Variants in NELL1 observed in about 807,000 individuals in gnomAD.
NELL1 encodes the protein neural EGFL like 1.
NELL1 carries 76 observed loss-of-function variants against 107.4 expected under a neutral mutation model. The ratio of observed to expected loss-of-function variants is 0.71; its 90% CI spans 0.59 to 0.86. The LOEUF is 0.86. Among genes scored for constraint, NELL1 ranks in the 40% least tolerant of loss-of-function variants. The pLI is 0.00. For missense variants in NELL1, 1,024 were observed against 1,005.5 expected (o/e 1.02, Z -0.25); for synonymous variants, 353 against 341.2 (o/e 1.03, Z -0.38).
intron 12 of NELL1, among the ~76,000 whole-genome samples, chr11:21,091,823 A>C (rs1251543080): frequency 6.6e-6 from 1 of 152,234 alleles, no homozygotes; most frequent in East Asian, 1.9e-4. Flanking sequence ...ATATAATTGA[A>C]CTTTACAGAA....
chr11:20,884,105 A>G (rs1248274690), intron 4 of NELL1, among the ~76,000 whole-genome samples: 1 of 152,200 alleles, frequency 6.6e-6, no homozygotes, highest in Non-Finnish European at 1.5e-5. Flanking sequence ...TGCCAGCTGA[A>G]AACCTTGCAT....
At chr11:21,024,112 G>T (rs1852760889) in intron 12 of NELL1, among the ~76,000 whole-genome samples, 1 of 151,988 alleles carries the variant, frequency 6.6e-6, no homozygotes, top group Non-Finnish European at 1.5e-5. Context: ...AGAAAAGAAG[G>T]CCTAGATAAG....
chr11:20,763,171 T>A (rs1443095410), intron 2 of NELL1, among the ~76,000 whole-genome samples: 1 of 152,106 alleles, frequency 6.6e-6, no homozygotes, highest in African/African-American at 2.4e-5. Context: ...GTGAGGTATT[T>A]ATTTACTCAG....
chr11:20,755,558 T>TTTTTTTTTTTTTATTTA (rs1267991719), intron 2 of NELL1, among the ~76,000 whole-genome samples: 2 of 16,454 alleles, frequency 1.2e-4, no homozygotes, highest in East Asian at 5.9e-3. Context: ...TTGTTTTTGT[T>TTTTTTTTTTTTTATTTA]TTTGTTTTTT....
intron 2 of NELL1, among the ~76,000 whole-genome samples, chr11:20,715,309 T>G (rs1281679843): frequency 3.3e-5 from 5 of 151,428 alleles, no homozygotes; most frequent in Admixed American, 6.6e-5. Context: ...TTTTGTTTTT[T>G]TTTTTTTTTA....
At chr11:21,561,089 T>C (rs572522234) in intron 17 of NELL1, among the ~76,000 whole-genome samples, 29 of 152,278 alleles carry the variant, frequency 1.9e-4, no homozygotes, top group Admixed American at 4.6e-4. Flanking sequence ...TATTTTCCTT[T>C]GTTATTGCTC....
At chr11:21,452,297 A>C (rs1307196423) in intron 15 of NELL1, among the ~76,000 whole-genome samples, 1 of 152,140 alleles carries the variant, frequency 6.6e-6, no homozygotes, top group Admixed American at 6.5e-5. Context: ...ATGTCTTGAA[A>C]AGCATCCTTT....
At chr11:21,006,886 C>T (rs1852339199) in intron 12 of NELL1, among the ~76,000 whole-genome samples, 1 of 152,130 alleles carries the variant, frequency 6.6e-6, no homozygotes, top group African/African-American at 2.4e-5. Flanking sequence ...GTGAAATAAA[C>T]ATCATCTCTA....
intron 2 of NELL1, among the ~76,000 whole-genome samples, chr11:20,720,770 T>A (rs1590232457): frequency 6.6e-6 from 1 of 152,128 alleles, no homozygotes; most frequent in African/African-American, 2.4e-5. Flanking sequence ...TGTTCAAATT[T>A]CTTCTTTTTA....
At chr11:21,047,808 G>A (rs883018) in intron 12 of NELL1, among the ~76,000 whole-genome samples, 70,724 of 151,992 alleles carry the variant, frequency 0.47, 20,263 homozygotes, top group Middle Eastern at 0.63. Context: ...GGTTTGTTTC[G>A]TGAACCAGCT....
At chr11:21,515,550 T>C (rs752788107) in intron 15 of NELL1, among the ~76,000 whole-genome samples, 3 of 152,148 alleles carry the variant, frequency 2.0e-5, no homozygotes, top group Non-Finnish European at 4.4e-5. Context: ...CTTCTCCACT[T>C]TGAGCCATTT....
At chr11:21,246,342 C>A (rs981196451) in intron 14 of NELL1, among the ~76,000 whole-genome samples, 6 of 152,182 alleles carry the variant, frequency 3.9e-5, no homozygotes, top group Admixed American at 3.3e-4. Flanking sequence ...CTGAAATTGT[C>A]ATGTGTGTAG....
intron 2 of NELL1, among the ~76,000 whole-genome samples, chr11:20,738,357 T>C (rs1029461836): frequency 6.6e-6 from 1 of 151,978 alleles, no homozygotes; most frequent in African/African-American, 2.4e-5. Flanking sequence ...GGAACAGGCA[T>C]TGAGGTGCTG....
intron 14 of NELL1, among the ~76,000 whole-genome samples, chr11:21,365,183 G>A (rs1425593196): frequency 6.6e-6 from 1 of 152,110 alleles, no homozygotes; most frequent in Non-Finnish European, 1.5e-5. Context: ...GGTTTTATAT[G>A]CCTTTCTCTC....
intron 2 of NELL1, among the ~76,000 whole-genome samples, chr11:20,715,959 A>G (rs1338268424): frequency 2.0e-5 from 3 of 152,276 alleles, no homozygotes; most frequent in Non-Finnish European, 4.4e-5. Flanking sequence ...GATTCTAATT[A>G]GGATTTATCT....
chr11:20,897,087 A>C (rs1040570604), intron 5 of NELL1, among the ~76,000 whole-genome samples: 1 of 152,202 alleles, frequency 6.6e-6, no homozygotes, highest in Non-Finnish European at 1.5e-5. Flanking sequence ...GGAACTAAAA[A>C]AGAGCCCGCA....
chr11:21,176,696 G>A lies in NELL1; in HGVS notation c.1427-52636G>A, dbSNP rs77195032. On this transcript the variant is annotated intron_variant, in intron 13 of 19. Coordinates refer to ENST00000357134, the MANE Select transcript of NELL1 (RefSeq NM_006157.5). The stretch of plus-strand genomic sequence containing the variant: ...CCTTATGCACTTTGCCTACGTTTGC[G>A]TCACATCCAATAGATGTAGAGTGAG... Among the ~76,000 whole-genome samples, 1,224 of 151,902 alleles carry A rather than the reference G, an allele frequency of 8.1e-3. 53 individuals carry two copies. In the South Asian group the frequency reaches 0.11, roughly 13 times the overall value.
chr11:21,358,645 G>A (rs1850999441), intron 14 of NELL1, among the ~76,000 whole-genome samples: 1 of 136,350 alleles, frequency 7.3e-6, no homozygotes, highest in African/African-American at 2.7e-5. Context: ...TTGAACTCCT[G>A]ACCTCGGGTG....
chr11:20,854,348 G>C (rs909968038), intron 4 of NELL1, among the ~76,000 whole-genome samples: 1 of 152,134 alleles, frequency 6.6e-6, no homozygotes, highest in African/African-American at 2.4e-5. Flanking sequence ...CTACCCTTCT[G>C]GGTGTACCTC....
Sources: allele counts gnomAD v4.1 joint callset (sites outside exome capture counted in the v4.1 genomes callset), GRCh38; gene constraint gnomAD v4.1.1; transcripts MANE v1.5; gene names NCBI Gene and HGNC (gene_info 2026-07-23, HGNC 2026-07-21).